The following GMDS variants were observed in gnomAD, a reference collection of about 807,000 sequenced individuals.
The protein encoded by GMDS is GDP-mannose 4,6 dehydratase.
In GMDS, 20 loss-of-function variants were observed where a neutral mutation model predicts 49.9. The observed-to-expected ratio is 0.40, with a 90% CI of 0.28 to 0.58. The LOEUF (loss-of-function observed/expected upper bound fraction) is 0.58. GMDS is among the 20% of genes least tolerant of loss of function. The probability of loss-of-function intolerance (pLI) is 0.42; values close to 1 mark genes in which losing one functional copy is unlikely to be tolerated. For synonymous variants in GMDS, 177 were observed against 178.6 expected, an observed-to-expected ratio of 0.99 and a Z score of 0.07; for missense variants, 362 against 481.4, an observed-to-expected ratio of 0.75 and a Z score of 2.32.
chr6:2,119,097 A>ACG (rs1562072145), intron 2 of GMDS, among the ~76,000 whole-genome samples: 3 of 151,942 alleles, frequency 2.0e-5, no homozygotes. Flanking sequence ...TCTATATACT[A>ACG]AAAAGAGTAA....
At chr6:1,781,116 T>C (rs1403113813) in intron 7 of GMDS, among the ~76,000 whole-genome samples, 1 of 151,742 alleles carries the variant, frequency 6.6e-6, no homozygotes, top group Non-Finnish European at 1.5e-5. Context: ...AGAAGGCACA[T>C]GACAGCTTGC....
chr6:1,659,029 G>T (rs1463352684), intron 9 of GMDS, among the ~76,000 whole-genome samples: 2 of 152,188 alleles, frequency 1.3e-5, no homozygotes, highest in African/African-American at 4.8e-5. Context: ...TCTGAGAGTG[G>T]AAAAGGCAGC....
chr6:2,030,470 T>G (rs113262933), intron 4 of GMDS, among the ~76,000 whole-genome samples: 5 of 152,204 alleles, frequency 3.3e-5, no homozygotes, highest in Admixed American at 6.5e-5. Context: ...CTATTTTACA[T>G]GGACCTTGCT....
At chr6:2,088,512 G>A (rs974807624) in intron 4 of GMDS, among the ~76,000 whole-genome samples, 3 of 152,106 alleles carry the variant, frequency 2.0e-5, no homozygotes, top group Non-Finnish European at 4.4e-5. Flanking sequence ...TTCCAGTCTC[G>A]AAATTCCTTA....
chr6:2,209,548 TACAC>T (rs1173215574), intron 1 of GMDS, among the ~76,000 whole-genome samples: 5 of 137,828 alleles, frequency 3.6e-5, no homozygotes, highest in Non-Finnish European at 4.7e-5. Flanking sequence ...GTATCTCTAA[TACAC>T]ATACATACAC....
intron 9 of GMDS, among the ~76,000 whole-genome samples, chr6:1,654,393 T>C (rs1044145817): frequency 6.6e-6 from 1 of 152,250 alleles, no homozygotes; most frequent in Admixed American, 6.5e-5. Context: ...ATCGACAGAC[T>C]GTGGTAATAT....
intron 7 of GMDS, among the ~76,000 whole-genome samples, chr6:1,770,635 T>C (rs1309206747): frequency 6.6e-6 from 1 of 152,250 alleles, no homozygotes; most frequent in African/African-American, 2.4e-5. Flanking sequence ...GTGTTAGCTG[T>C]TGGTTTTATG....
At chr6:2,060,671 G>A (rs1157624413) in intron 4 of GMDS, among the ~76,000 whole-genome samples, 2 of 152,178 alleles carry the variant, frequency 1.3e-5, no homozygotes, top group African/African-American at 2.4e-5. Flanking sequence ...CAGAGAAAAG[G>A]ATGAGGTATG....
At chr6:2,002,060 G>C (rs1183983757) in intron 4 of GMDS, among the ~76,000 whole-genome samples, 1 of 152,106 alleles carries the variant, frequency 6.6e-6, no homozygotes, top group Non-Finnish European at 1.5e-5. Context: ...CATAGGTGCT[G>C]AATAATCACA....
intron 7 of GMDS, among the ~76,000 whole-genome samples, chr6:1,762,690 C>G (rs911669252): frequency 6.6e-6 from 1 of 152,218 alleles, no homozygotes; most frequent in Non-Finnish European, 1.5e-5. Context: ...CCTTCCCTTC[C>G]TGGGGAGGAT....
intron 1 of GMDS, among the ~76,000 whole-genome samples, chr6:2,175,689 T>A (rs1182637017): frequency 6.6e-6 from 1 of 152,230 alleles, no homozygotes; most frequent in Non-Finnish European, 1.5e-5. Flanking sequence ...TTGGTTTTAA[T>A]ACACGTACAA....
intron 4 of GMDS, among the ~76,000 whole-genome samples, chr6:1,988,984 G>C (rs1765749950): frequency 1.3e-5 from 2 of 152,184 alleles, no homozygotes; most frequent in Non-Finnish European, 2.9e-5. Context: ...GATTACAGAG[G>C]ACTTCCAAGA....
chr6:1,861,460 T>A lies in GMDS; in HGVS notation c.771+68643A>T, dbSNP rs552107292. Among the ~76,000 whole-genome samples, 34 of 152,118 alleles carry A rather than the reference T, an allele frequency of 2.2e-4. 1 individual carries two copies. In the East Asian group the frequency reaches 3.5e-3, roughly 16 times the overall value. On this transcript the variant is annotated intron_variant, in intron 7 of 10. Coordinates refer to ENST00000380815, the MANE Select transcript of GMDS (RefSeq NM_001500.4). ...TTTACCACACAGCCTGGGTTAGGCATCTTGGAAACTACATTTTTGATCAGG... is the reference window on the plus strand; with the variant it reads ...TTTACCACACAGCCTGGGTTAGGCAACTTGGAAACTACATTTTTGATCAGG...
At chr6:2,050,988 T>C (rs1024872428) in intron 4 of GMDS, among the ~76,000 whole-genome samples, 3 of 151,924 alleles carry the variant, frequency 2.0e-5, no homozygotes, top group African/African-American at 7.3e-5. Context: ...GGGATAGTAT[T>C]AGGAGAAATA....
chr6:2,211,095 T>G (rs565524705), intron 1 of GMDS, among the ~76,000 whole-genome samples: 89 of 152,216 alleles, frequency 5.8e-4, no homozygotes, highest in African/African-American at 2.0e-3. Context: ...TAACTGTGAG[T>G]CAATTAAACC....
At position 1,640,375 on chromosome 6, in the gene GMDS, G is replaced by A. The variant is rs1485130723; in HGVS notation, c.988-15835C>T. ...AGGTGGCTTGGTGTCCTCATCCTCA[G>A]GCATGCCACACCTGCAGGTGTGTTA... On this transcript the variant is annotated intron_variant, in intron 9 of 10. Transcript: ENST00000380815. The surrounding 1 kb of genome is among the most constrained non-coding windows in gnomAD (Gnocchi z 4.0). 3.3e-5 allele frequency among the ~76,000 whole-genome samples: 5 copies of A among 152,100 alleles called. No homozygotes were observed. In the East Asian group the frequency reaches 9.7e-4, roughly 29 times the overall value.
chr6:1,787,222 G>C (rs1410191248), intron 7 of GMDS, among the ~76,000 whole-genome samples: 1 of 152,208 alleles, frequency 6.6e-6, no homozygotes, highest in Non-Finnish European at 1.5e-5. Flanking sequence ...TAAAAGCACT[G>C]TGAGGTCAGA....
rs146114986 is a variant in GMDS, at chr6:2,017,957, A to G, written c.346-56991T>C. On this transcript the variant is annotated intron_variant, in intron 4 of 10. Transcript: ENST00000380815. ...ACGCTGCAGGTATACTTGGTAAAGAATTAAGCTTATCTTGTTTTTTAAAAA... is the reference window on the plus strand; with the variant it reads ...ACGCTGCAGGTATACTTGGTAAAGAGTTAAGCTTATCTTGTTTTTTAAAAA... Among the ~76,000 whole-genome samples, 717 of 152,332 alleles carry G rather than the reference A, an allele frequency of 4.7e-3. 9 individuals carry two copies. The highest frequency in any genetic ancestry group is 0.037 in the Middle Eastern group (11 of 294).
intron 9 of GMDS, among the ~76,000 whole-genome samples, chr6:1,685,708 G>A (rs764214105): frequency 1.3e-5 from 2 of 152,100 alleles, no homozygotes; most frequent in Non-Finnish European, 2.9e-5. Context: ...TGCTCAGAAC[G>A]TGGCCATAAC....
Sources: allele counts gnomAD v4.1 joint callset (sites outside exome capture counted in the v4.1 genomes callset), GRCh38; gene constraint gnomAD v4.1.1; non-coding constraint Gnocchi (gnomAD v3.1); transcripts MANE v1.5; gene names NCBI Gene and HGNC (gene_info 2026-07-23, HGNC 2026-07-21).